The following TRHDE variants were observed in gnomAD, a reference collection of about 807,000 sequenced individuals.
TRHDE encodes thyrotropin-releasing hormone-degrading ectoenzyme.
TRHDE carries 72 observed loss-of-function variants against 125.7 expected under a neutral mutation model. That is an observed-to-expected ratio of 0.57 (90% CI 0.47 to 0.70). The LOEUF (loss-of-function observed/expected upper bound fraction) is 0.70. Among genes scored for constraint, TRHDE ranks in the 30% least tolerant of loss-of-function variants. The pLI, the probability that TRHDE is intolerant of heterozygous loss-of-function variation, is 0.00. For missense variants in TRHDE, 1,110 were observed against 1,327.1 expected, an observed-to-expected ratio of 0.84 and a Z score of 2.54; for synonymous variants, 509 against 509.1, an observed-to-expected ratio of 1.00 and a Z score of 0.00.
intron 1 of TRHDE, among the ~76,000 whole-genome samples, chr12:72,102,740 T>G (rs1477788956): frequency 6.6e-6 from 1 of 152,160 alleles, no homozygotes; most frequent in African/African-American, 2.4e-5. Flanking sequence ...CCTGTGAAGA[T>G]GAACATGAGG....
At chr12:72,423,862 T>G (rs563146222) in intron 3 of TRHDE, among the ~76,000 whole-genome samples, 3 of 152,154 alleles carry the variant, frequency 2.0e-5, no homozygotes, top group African/African-American at 7.2e-5. Context: ...TTCAGAGTGA[T>G]GTCATGTGAG....
chr12:72,638,458 A>T (rs1157106353), intron 15 of TRHDE, among the ~76,000 whole-genome samples: 2 of 151,198 alleles, frequency 1.3e-5, no homozygotes, highest in African/African-American at 4.8e-5. Flanking sequence ...CTCTTTATCC[A>T]ATTTGCCAGT....
chr12:72,514,243 A>G (rs1453256491), intron 6 of TRHDE, among the ~76,000 whole-genome samples: 1 of 152,206 alleles, frequency 6.6e-6, no homozygotes, highest in Non-Finnish European at 1.5e-5. Context: ...ACATGAAGAA[A>G]CAAGTTTCCA....
At chr12:72,639,864 A>C (rs1341941769) in intron 15 of TRHDE, among the ~76,000 whole-genome samples, 52 of 152,186 alleles carry the variant, frequency 3.4e-4, no homozygotes, top group Admixed American at 3.4e-3. Flanking sequence ...GCCCGTTCTC[A>C]GATCTCCAGC....
At position 72,273,907 on chromosome 12, in the gene TRHDE, A is replaced by C. The variant is rs4237861; in HGVS notation, c.914+350A>C. On this transcript the variant is annotated intron_variant, in intron 1 of 18. Transcript: ENST00000261180. The surrounding 1 kb of genome is among the most constrained non-coding windows in gnomAD (Gnocchi z 5.3). ...TCTGAGCGATGCCAGAGTGACATGA[A>C]AAGCTTGCCAAGTTACTGTCGAGGG... 157,878 of 233,486 alleles carry C rather than the reference A, an allele frequency of 0.68. 54,017 individuals carry two copies. The highest frequency in any genetic ancestry group is 0.86 in the East Asian group (9,808 of 11,400). 14.5% of individuals were successfully genotyped at this position (233,486 alleles called of 1,614,324 possible).
intron 2 of TRHDE, among the ~76,000 whole-genome samples, chr12:72,361,562 T>C (rs1454216398): frequency 2.0e-5 from 3 of 151,728 alleles, no homozygotes; most frequent in Middle Eastern, 3.4e-3. Flanking sequence ...TATTTTTTTT[T>C]TATTTTATTA....
intron 2 of TRHDE, among the ~76,000 whole-genome samples, chr12:72,372,168 C>T (rs1257371902): frequency 1.3e-5 from 2 of 152,042 alleles, no homozygotes; most frequent in African/African-American, 4.8e-5. Flanking sequence ...TTTCATGTGT[C>T]TTTTGGCTGC....
At chr12:72,626,850 A>G (rs1458735573) in intron 15 of TRHDE, among the ~76,000 whole-genome samples, 1 of 151,544 alleles carries the variant, frequency 6.6e-6, no homozygotes, top group African/African-American at 2.4e-5. Context: ...CAGAAACCTC[A>G]TGTTTTCTTT....
At chr12:72,250,305 T>C (rs1303427040) in intron 2 of TRHDE, among the ~76,000 whole-genome samples, 2 of 152,176 alleles carry the variant, frequency 1.3e-5, no homozygotes, top group African/African-American at 4.8e-5. Context: ...ATAATTGTTA[T>C]AGAAGTTTGG....
At chr12:72,146,916 G>A (rs1011676628) in intron 2 of TRHDE, among the ~76,000 whole-genome samples, 3 of 152,180 alleles carry the variant, frequency 2.0e-5, no homozygotes, top group East Asian at 3.9e-4. Flanking sequence ...AGATGGATGC[G>A]GAGCCGGAAG....
At chr12:72,374,792 A>G (rs1300406531) in intron 2 of TRHDE, among the ~76,000 whole-genome samples, 1 of 152,160 alleles carries the variant, frequency 6.6e-6, no homozygotes, top group African/African-American at 2.4e-5. Flanking sequence ...CAGTTCTACT[A>G]GAGTAGTTGG....
At chr12:72,521,290 G>A (rs2135962890) in intron 6 of TRHDE, among the ~76,000 whole-genome samples, 2 of 152,130 alleles carry the variant, frequency 1.3e-5, no homozygotes, top group South Asian at 4.1e-4. Flanking sequence ...AATTTGCATT[G>A]CCTCCCTTCT....
Position 72,542,404 on chromosome 12 carries a change from T to C in TRHDE, c.1788+48T>C, listed in dbSNP as rs769052192. Reference sequence around the variant, plus strand: ...TCTTTTACATTTTTCCTTGTCAATATATTTCACAGCTTAGGAAATGGCTAA... The same window carrying C: ...TCTTTTACATTTTTCCTTGTCAATACATTTCACAGCTTAGGAAATGGCTAA... On this transcript the variant is annotated intron_variant, in intron 7 of 18. Coordinates refer to ENST00000261180, the MANE Select transcript of TRHDE (RefSeq NM_013381.3). 15 of 1,506,714 alleles carry C rather than the reference T, an allele frequency of 1.0e-5. No individual in the cohort carries two copies. The Admixed American group carries it at 2.3e-4, about 23-fold the overall frequency. 93.3% of individuals were successfully genotyped at this position (1,506,714 alleles called of 1,614,324 possible).
chr12:72,244,630 C>T (rs906707189), intron 2 of TRHDE, among the ~76,000 whole-genome samples: 23 of 151,768 alleles, frequency 1.5e-4, no homozygotes, highest in African/African-American at 5.6e-4. Flanking sequence ...TAATTAATGT[C>T]CCCATAAAAT....
intron 2 of TRHDE, among the ~76,000 whole-genome samples, chr12:72,113,218 C>T (rs987358424): frequency 1.3e-5 from 2 of 151,768 alleles, no homozygotes; most frequent in Non-Finnish European, 2.9e-5. Flanking sequence ...AGGGTTTTGC[C>T]ATGTTGCCCA....
intron 6 of TRHDE, among the ~76,000 whole-genome samples, chr12:72,500,195 G>A (rs1161747168): frequency 6.6e-6 from 1 of 152,078 alleles, no homozygotes; most frequent in African/African-American, 2.4e-5. Context: ...ATAAAAATAA[G>A]GCAAATATGA....
At chr12:72,647,806 G>T (rs1275676754) in intron 15 of TRHDE, among the ~76,000 whole-genome samples, 1 of 152,024 alleles carries the variant, frequency 6.6e-6, no homozygotes, top group Non-Finnish European at 1.5e-5. Context: ...GAAAAACCTA[G>T]GACTAGATGA....
intron 2 of TRHDE, among the ~76,000 whole-genome samples, chr12:72,305,006 G>C (rs1868319086): frequency 6.6e-6 from 1 of 152,124 alleles, no homozygotes; most frequent in Non-Finnish European, 1.5e-5. Context: ...TAGAGGAAGA[G>C]AGAGCAAGAG....
intron 5 of TRHDE, among the ~76,000 whole-genome samples, chr12:72,478,970 T>G (rs1877033438): frequency 6.7e-6 from 1 of 148,904 alleles, no homozygotes; most frequent in Non-Finnish European, 1.5e-5. Flanking sequence ...GAGCTTTACC[T>G]GTTACACTAA....
Sources: allele counts gnomAD v4.1 joint callset (sites outside exome capture counted in the v4.1 genomes callset), GRCh38; gene constraint gnomAD v4.1.1; non-coding constraint Gnocchi (gnomAD v3.1); transcripts MANE v1.5; gene names NCBI Gene and HGNC (gene_info 2026-07-23, HGNC 2026-07-21).